Variants in PCDH15 observed in about 807,000 individuals in gnomAD.
The protein encoded by PCDH15 is protocadherin related 15.
Under a neutral mutation model 178.5 loss-of-function variants are expected in PCDH15, and 129 were observed. The ratio of observed to expected loss-of-function variants is 0.72; its 90% CI spans 0.63 to 0.84. The LOEUF (loss-of-function observed/expected upper bound fraction) is 0.84. Ranked by LOEUF, PCDH15 falls within the 40% of genes least tolerant of loss-of-function variation. The probability of loss-of-function intolerance (pLI) is 0.00; values close to 1 mark genes in which losing one functional copy is unlikely to be tolerated. For synonymous variants in PCDH15, 800 were observed against 732.0 expected (o/e 1.09, Z -1.50); for missense variants, 2,230 against 2,099.9 (o/e 1.06, Z -1.21).
At chr10:55,080,868 C>A (rs183451502) in intron 2 of PCDH15, among the ~76,000 whole-genome samples, 2 of 152,268 alleles carry the variant, frequency 1.3e-5, no homozygotes, top group East Asian at 3.9e-4. Flanking sequence ...CAGCCCCAGA[C>A]AGTCAGTTTT....
intron 2 of PCDH15, among the ~76,000 whole-genome samples, chr10:55,398,576 A>C (rs987964170): frequency 2.7e-4 from 41 of 152,330 alleles, no homozygotes; most frequent in African/African-American, 8.7e-4. Context: ...TAAACAAATA[A>C]ATTCATAATT....
chr10:54,118,711 A>G, intron 15 of PCDH15, among the ~76,000 whole-genome samples: 1 of 152,034 alleles, frequency 6.6e-6, no homozygotes, highest in Middle Eastern at 3.4e-3. Context: ...CCCAAGATAC[A>G]TTAAATACTT....
intron 2 of PCDH15, chr10:54,607,973 A>G (rs202183469): frequency 2.0e-6 from 1 of 499,924 alleles, no homozygotes; most frequent in Non-Finnish European, 4.0e-6. Flanking sequence ...CGCACTTTGG[A>G]AAGGCTTTGC....
chr10:53,956,687 C>T (rs1037227416), intron 23 of PCDH15, among the ~76,000 whole-genome samples: 1 of 152,002 alleles, frequency 6.6e-6, no homozygotes, highest in African/African-American at 2.4e-5. Context: ...AACAAGATTA[C>T]CAAATTCTCT....
chr10:55,031,423 T>C (rs1377357916), intron 2 of PCDH15, among the ~76,000 whole-genome samples: 4 of 152,170 alleles, frequency 2.6e-5, no homozygotes, highest in African/African-American at 9.7e-5. Context: ...TCATCTCATA[T>C]AAAAGGAAGC....
intron 2 of PCDH15, among the ~76,000 whole-genome samples, chr10:54,578,745 A>G (rs978124057): frequency 3.3e-5 from 5 of 152,122 alleles, no homozygotes; most frequent in Non-Finnish European, 5.9e-5. Flanking sequence ...CAAAGTTCGA[A>G]TGGCATAAAT....
intron 13 of PCDH15, 137 bp downstream of exon 13, chr10:54,183,307 G>T: frequency 1.1e-6 from 1 of 875,740 alleles, no homozygotes. Flanking sequence ...GAAATTTAAA[G>T]CTATTTAAAC....
In PCDH15 at chr10:53,840,330, C is replaced by T. The variant is rs909968793; in HGVS notation, c.3973G>A (p.Glu1325Lys). 9.9e-6 allele frequency: 16 copies of T among 1,614,084 alleles called. No individual in the cohort carries two copies. The highest frequency in any genetic ancestry group is 1.3e-5 in the Non-Finnish European group (15 of 1,179,968). The change falls in exon 29 of 38, where the codon GAG (glutamate) becomes AAG (lysine). Residue 1325 changes from glutamate to lysine, a missense_variant. Physicochemically the swap from Glu to Lys is moderately conservative, Grantham distance 56. Coordinates refer to ENST00000644397, the MANE Select transcript of PCDH15 (RefSeq NM_001384140.1). ...PQTNRAIDRNELFKFLDGKLL... is the reference protein window; with the variant it reads ...PQTNRAIDRNKLFKFLDGKLL... ...ACAAAAAGCACTTACTTAAAAAGCT[C>T]ATTTCTATCGATGGCTCTGTTGGTT...
At chr10:55,157,081 T>C (rs2799576) in intron 2 of PCDH15, among the ~76,000 whole-genome samples, 148,196 of 152,214 alleles carry the variant, frequency 0.97, 72,164 homozygotes, top group East Asian at 1. Context: ...ATTACTTTCA[T>C]AATAAAGTAT....
chr10:55,176,679 C>G (rs56279844), intron 1 of PCDH15, among the ~76,000 whole-genome samples: 2 of 151,992 alleles, frequency 1.3e-5, no homozygotes, highest in African/African-American at 4.8e-5. Context: ...TCATTAATGA[C>G]GTTGTGGTTC....
intron 2 of PCDH15, among the ~76,000 whole-genome samples, chr10:55,376,380 G>A (rs973401486): frequency 4.6e-5 from 7 of 151,934 alleles, no homozygotes; most frequent in African/African-American, 1.4e-4. Flanking sequence ...GGCGTCTCAG[G>A]TTTCATCACA....
chr10:53,987,001 T>G (rs1487628822), intron 21 of PCDH15, among the ~76,000 whole-genome samples: 1 of 152,174 alleles, frequency 6.6e-6, no homozygotes, highest in Non-Finnish European at 1.5e-5. Context: ...CCCACACTTT[T>G]GAAACCACTT....
At chr10:54,032,447 GGTTA>G (rs1292516151) in intron 18 of PCDH15, among the ~76,000 whole-genome samples, 1 of 151,632 alleles carries the variant, frequency 6.6e-6, no homozygotes, top group Admixed American at 6.6e-5. Flanking sequence ...CAATGACATA[GGTTA>G]GATATGCAAT....
intron 2 of PCDH15, among the ~76,000 whole-genome samples, chr10:55,151,235 T>C (rs1194284324): frequency 2.0e-5 from 3 of 152,108 alleles, no homozygotes; most frequent in South Asian, 2.1e-4. Flanking sequence ...TTTGAGTCTA[T>C]TGAAAATTTA....
At chr10:54,421,519 T>A (rs1386118485) in intron 3 of PCDH15, among the ~76,000 whole-genome samples, 1 of 92,870 alleles carries the variant, frequency 1.1e-5, no homozygotes, top group Non-Finnish European at 2.7e-5. Flanking sequence ...GAATATAGTT[T>A]ATATTATAAT....
chr10:54,941,929 C>T (rs1209329788), intron 2 of PCDH15, among the ~76,000 whole-genome samples: 1 of 152,012 alleles, frequency 6.6e-6, no homozygotes, highest in Non-Finnish European at 1.5e-5. Context: ...TTGACTGTCT[C>T]TTTCAATGAT....
At chr10:55,324,752 A>G (rs1378096105) in intron 2 of PCDH15, among the ~76,000 whole-genome samples, 3 of 152,126 alleles carry the variant, frequency 2.0e-5, no homozygotes, top group Non-Finnish European at 4.4e-5. Flanking sequence ...ATAGACATCT[A>G]CAGAAATCTA....
intron 2 of PCDH15, among the ~76,000 whole-genome samples, chr10:55,529,764 T>TC (rs1841404115): frequency 7.3e-6 from 1 of 136,778 alleles, no homozygotes; most frequent in Non-Finnish European, 1.6e-5. Context: ...TATATATATA[T>TC]ATATATATAT....
chr10:54,560,030 T>C (rs545393150), intron 2 of PCDH15, among the ~76,000 whole-genome samples: 1 of 151,992 alleles, frequency 6.6e-6, no homozygotes, highest in East Asian at 1.9e-4. Context: ...TGTAACTCAA[T>C]TTGTTGTCTT....
Sources: allele counts gnomAD v4.1 joint callset (sites outside exome capture counted in the v4.1 genomes callset), GRCh38; gene constraint gnomAD v4.1.1; transcripts MANE v1.5; gene names NCBI Gene and HGNC (gene_info 2026-07-23, HGNC 2026-07-21).